GRM8: variants seen among roughly 807,000 people sequenced by gnomAD.
The protein encoded by GRM8 is glutamate metabotropic receptor 8, also known as metabotropic glutamate receptor 8.
A neutral mutation model predicts 87.2 loss-of-function variants in GRM8; 47 were observed. That is an observed-to-expected ratio of 0.54 (90% confidence interval 0.43 to 0.69). The LOEUF is 0.69. Among genes scored for constraint, GRM8 ranks in the 30% least tolerant of loss-of-function variants. GRM8 has a pLI of 0.00. For missense variants in GRM8, 1,019 were observed against 1,139.2 expected (o/e 0.89, Z 1.52); for synonymous variants, 396 against 404.5 (o/e 0.98, Z 0.25).
chr7:126,662,373 C>G (rs1805275665), intron 7 of GRM8, among the ~76,000 whole-genome samples: 2 of 152,034 alleles, frequency 1.3e-5, no homozygotes, highest in South Asian at 4.1e-4. Flanking sequence ...TAGCTTTAAT[C>G]AGATGAATAG....
intron 3 of GRM8, among the ~76,000 whole-genome samples, chr7:127,056,913 A>T (rs1220357462): frequency 6.6e-6 from 1 of 152,196 alleles, no homozygotes; most frequent in Non-Finnish European, 1.5e-5. Context: ...AGCAAAAGTG[A>T]ATTTTAAAAC....
chr7:126,935,428 C>T (rs1586515908), intron 3 of GRM8, among the ~76,000 whole-genome samples: 1 of 152,172 alleles, frequency 6.6e-6, no homozygotes, highest in African/African-American at 2.4e-5. Flanking sequence ...AAAATGCAAA[C>T]TTACTAGAAC....
intron 9 of GRM8, among the ~76,000 whole-genome samples, chr7:126,506,311 G>C (rs1810457713): frequency 6.6e-6 from 1 of 151,868 alleles, no homozygotes. Flanking sequence ...TCATCCATCA[G>C]TGAGCATTTA....
chr7:126,505,018 T>C (rs577595328), intron 9 of GRM8, among the ~76,000 whole-genome samples: 68 of 152,188 alleles, frequency 4.5e-4, no homozygotes, highest in Non-Finnish European at 8.4e-4. Flanking sequence ...AGGGCTTCAA[T>C]TGCACAGTTG....
chr7:126,766,750 T>C (rs1158107419), intron 7 of GRM8, among the ~76,000 whole-genome samples: 3 of 152,122 alleles, frequency 2.0e-5, no homozygotes, highest in African/African-American at 7.2e-5. Flanking sequence ...GAGCAAACCT[T>C]GTTTTGGCCA....
chr7:126,963,167 G>A (rs1228536684), intron 3 of GRM8, among the ~76,000 whole-genome samples: 1 of 152,030 alleles, frequency 6.6e-6, no homozygotes, highest in South Asian at 2.1e-4. Context: ...ACAAAAATAA[G>A]GCTCTCTATA....
chr7:126,597,678 C>T (rs183031710), intron 8 of GRM8, among the ~76,000 whole-genome samples: 93 of 152,114 alleles, frequency 6.1e-4, no homozygotes, highest in Admixed American at 2.2e-3. Flanking sequence ...TTTTATCCAT[C>T]TTTGGTGCTG....
intron 9 of GRM8, among the ~76,000 whole-genome samples, chr7:126,523,344 T>C (rs778513833): frequency 6.6e-6 from 1 of 152,142 alleles, no homozygotes; most frequent in Non-Finnish European, 1.5e-5. Context: ...TTTGAATGTT[T>C]TTTTGTTTTG....
intron 9 of GRM8, among the ~76,000 whole-genome samples, chr7:126,495,598 A>T (rs774043370): frequency 6.6e-6 from 1 of 151,988 alleles, no homozygotes; most frequent in East Asian, 1.9e-4. Context: ...ATATGAATAC[A>T]CAGTGCCTGC....
intron 2 of GRM8, among the ~76,000 whole-genome samples, chr7:127,123,748 C>T (rs1041776771): frequency 6.6e-6 from 1 of 152,152 alleles, no homozygotes; most frequent in Non-Finnish European, 1.5e-5. Flanking sequence ...AGATCTGTTT[C>T]AATATGGGTC....
intron 3 of GRM8, among the ~76,000 whole-genome samples, chr7:127,038,527 G>T (rs1014534714): frequency 1.3e-5 from 2 of 152,082 alleles, no homozygotes; most frequent in Non-Finnish European, 2.9e-5. Flanking sequence ...ATATTAGTGT[G>T]CTCATTACAT....
intron 6 of GRM8, among the ~76,000 whole-genome samples, chr7:126,807,604 T>C (rs1285296031): frequency 1.3e-5 from 2 of 152,072 alleles, no homozygotes; most frequent in East Asian, 3.9e-4. Flanking sequence ...TTATCTCTCC[T>C]GCCACTCTTC....
chr7:127,237,681 T>C (rs551528972), intron 2 of GRM8, among the ~76,000 whole-genome samples: 1 of 152,324 alleles, frequency 6.6e-6, no homozygotes, highest in South Asian at 2.1e-4. Context: ...ATTTGATTGC[T>C]TTGGGAAGGA....
chr7:126,505,154 G>T (rs2150715207), intron 9 of GRM8, among the ~76,000 whole-genome samples: 1 of 152,122 alleles, frequency 6.6e-6, no homozygotes, highest in East Asian at 1.9e-4. Context: ...TGGATTTGGT[G>T]TATAAGCAGA....
At chr7:126,790,183 T>A (rs1431131709) in intron 6 of GRM8, among the ~76,000 whole-genome samples, 1 of 152,098 alleles carries the variant, frequency 6.6e-6, no homozygotes, top group Non-Finnish European at 1.5e-5. Flanking sequence ...AATTTTTGTA[T>A]TTTTAGTAGA....
At chr7:126,985,214 T>TC (rs1489436370) in intron 3 of GRM8, among the ~76,000 whole-genome samples, 1 of 152,210 alleles carries the variant, frequency 6.6e-6, no homozygotes, top group Non-Finnish European at 1.5e-5. Flanking sequence ...CATGTCTTTT[T>TC]CCACAGGGTA....
chr7:126,889,192 A>G (rs1310208851), intron 6 of GRM8, among the ~76,000 whole-genome samples: 1 of 152,180 alleles, frequency 6.6e-6, no homozygotes, highest in Non-Finnish European at 1.5e-5. Context: ...AAAGACAGGC[A>G]TAAAGGTTGC....
chr7:126,754,657 TTTC>T (rs1237985816), intron 7 of GRM8, among the ~76,000 whole-genome samples: 1 of 151,932 alleles, frequency 6.6e-6, no homozygotes, highest in African/African-American at 2.4e-5. Flanking sequence ...TTTTTATTTA[TTTC>T]TTCTATTTCT....
intron 8 of GRM8, among the ~76,000 whole-genome samples, chr7:126,540,093 T>C (rs1169219497): frequency 2.6e-5 from 4 of 152,024 alleles, no homozygotes; most frequent in Non-Finnish European, 5.9e-5. Flanking sequence ...TTTTAAAAAC[T>C]GTTAAAATTC....
Sources: allele counts gnomAD v4.1 joint callset (sites outside exome capture counted in the v4.1 genomes callset), GRCh38; gene constraint gnomAD v4.1.1; transcripts MANE v1.5; gene names NCBI Gene and HGNC (gene_info 2026-07-23, HGNC 2026-07-21).